Variants in TJP1 observed in about 807,000 individuals in gnomAD.
The protein encoded by TJP1 is tight junction protein 1, also known as tight junction protein ZO-1.
Under a neutral mutation model 194.2 loss-of-function variants are expected in TJP1, and 43 were observed. The observed-to-expected ratio is 0.22, with a 90% CI of 0.17 to 0.29. The LOEUF (loss-of-function observed/expected upper bound fraction) is 0.29. TJP1 is among the 10% of genes least tolerant of loss of function. The pLI is 1.00. For missense variants in TJP1, 1,971 were observed against 2,185.7 expected (o/e 0.90, Z 1.96); for synonymous variants, 801 against 779.0 (o/e 1.03, Z -0.47).
intron 5 of TJP1, among the ~76,000 whole-genome samples, chr15:29,762,672 G>A (rs1056313107): frequency 7.2e-5 from 11 of 152,162 alleles, no homozygotes; most frequent in Non-Finnish European, 1.3e-4. Context: ...CTGATAGACC[G>A]TGTTCCCATA....
chr15:29,796,775 T>C (rs1009852667), intron 2 of TJP1, among the ~76,000 whole-genome samples: 4 of 152,194 alleles, frequency 2.6e-5, no homozygotes, highest in African/African-American at 9.7e-5. Context: ...CCACGTTTAA[T>C]ATAAAGCTAC....
intron 2 of TJP1, among the ~76,000 whole-genome samples, chr15:29,831,375 T>A (rs1420607537): frequency 6.6e-6 from 1 of 152,192 alleles, no homozygotes; most frequent in South Asian, 2.1e-4. Context: ...ATGCCTCCCA[T>A]GTGAGGCAAT....
At chr15:29,939,841 C>T (rs1286455884) in intron 2 of TJP1, among the ~76,000 whole-genome samples, 1 of 152,162 alleles carries the variant, frequency 6.6e-6, no homozygotes, top group Admixed American at 6.5e-5. Flanking sequence ...GGAAGTGGGC[C>T]TCCCCAGACA....
intron 1 of TJP1, among the ~76,000 whole-genome samples, chr15:29,958,581 A>G (rs2056035153): frequency 6.6e-6 from 1 of 152,158 alleles, no homozygotes; most frequent in African/African-American, 2.4e-5. Flanking sequence ...ACATCTTATT[A>G]GGGAAACTCT....
At chr15:29,753,266 G>A (rs922523906) in intron 8 of TJP1, among the ~76,000 whole-genome samples, 3 of 151,936 alleles carry the variant, frequency 2.0e-5, no homozygotes, top group East Asian at 3.9e-4. Context: ...GGCAGATCAC[G>A]AGGTCAGGAG....
chr15:29,742,353 G>C (rs45520635), intron 9 of TJP1, among the ~76,000 whole-genome samples: 145 of 152,194 alleles, frequency 9.5e-4, no homozygotes, highest in Middle Eastern at 6.8e-3. Flanking sequence ...AATTTTTGAA[G>C]CCAATCTCAT....
intron 2 of TJP1, among the ~76,000 whole-genome samples, chr15:29,884,840 G>A (rs2053061731): frequency 6.6e-6 from 1 of 152,162 alleles, no homozygotes; most frequent in Non-Finnish European, 1.5e-5. Context: ...GTTCTAAGCA[G>A]CTAGCCCTCA....
intron 2 of TJP1, among the ~76,000 whole-genome samples, chr15:29,908,916 A>G (rs2053918865): frequency 6.6e-6 from 1 of 152,162 alleles, no homozygotes; most frequent in African/African-American, 2.4e-5. Flanking sequence ...GCACTTTGGG[A>G]GGCCAAGGCG....
chr15:29,806,367 T>C (rs1595963044), intron 1 of TJP1, among the ~76,000 whole-genome samples: 1 of 152,284 alleles, frequency 6.6e-6, no homozygotes, highest in East Asian at 1.9e-4. Flanking sequence ...CACCAAAGCT[T>C]AAGATCCCTC....
chr15:29,908,672 C>A (rs2053909021), intron 2 of TJP1, among the ~76,000 whole-genome samples: 1 of 121,454 alleles, frequency 8.2e-6, no homozygotes, highest in African/African-American at 2.6e-5. Flanking sequence ...TTTGATACGA[C>A]CTGAGATGTG....
chr15:29,953,437 T>C (rs1040784932), intron 2 of TJP1, among the ~76,000 whole-genome samples: 5 of 152,106 alleles, frequency 3.3e-5, no homozygotes, highest in African/African-American at 1.2e-4. Flanking sequence ...CCACCATGCC[T>C]GGCCAAAAAG....
Position 29,761,258 on chromosome 15 carries a change from T to C in TJP1, c.891A>G (p.Ser297=). The stretch of plus-strand genomic sequence containing the variant: ...TATCGTGTGATCGACCAGAATGATC[T>C]GATGCCAGTGACTGAATTTCTGAAA... The part of the protein sequence containing the change: ...DDISEIQSLA[S]DHSGRSHDRP... Residue 297 remains serine, a synonymous_variant, in exon 8 of 28, where the codon TCA becomes TCG. Transcript: ENST00000614355. 1 of 1,613,918 alleles carries C rather than the reference T, an allele frequency of 6.2e-7. No homozygotes were observed. The highest frequency in any genetic ancestry group is 8.5e-7 in the Non-Finnish European group (1 of 1,179,962).
chr15:29,773,416 T>C (rs2046815506), intron 2 of TJP1, 59 bp from the exon 3 acceptor site: 3 of 1,554,832 alleles, frequency 1.9e-6, no homozygotes, highest in Non-Finnish European at 2.6e-6. Context: ...TGTTATATCA[T>C]ACTCTACAAT....
At chr15:29,819,443 T>C (rs1232202389) in intron 1 of TJP1, among the ~76,000 whole-genome samples, 1 of 152,196 alleles carries the variant, frequency 6.6e-6, no homozygotes, top group Non-Finnish European at 1.5e-5. Flanking sequence ...ATTAAATAAA[T>C]TGAGCACTTA....
At chr15:29,962,367 C>G (rs567427798) in intron 1 of TJP1, among the ~76,000 whole-genome samples, 6 of 152,224 alleles carry the variant, frequency 3.9e-5, no homozygotes, top group African/African-American at 1.4e-4. Flanking sequence ...ATCTACACCA[C>G]CCATTTCTAA....
intron 2 of TJP1, among the ~76,000 whole-genome samples, chr15:29,790,606 C>A (rs1409882566): frequency 6.6e-6 from 1 of 152,066 alleles, no homozygotes; most frequent in East Asian, 1.9e-4. Context: ...GATAGTTGCC[C>A]TATTGTGCTA....
chr15:29,845,641 GA>G (rs938785373), intron 2 of TJP1, among the ~76,000 whole-genome samples: 1 of 151,198 alleles, frequency 6.6e-6, no homozygotes, highest in African/African-American at 2.4e-5. Flanking sequence ...CATCTCTACT[GA>G]AAAAAAACAA....
At chr15:29,832,650 A>G (rs1159535048) in intron 2 of TJP1, among the ~76,000 whole-genome samples, 1 of 152,214 alleles carries the variant, frequency 6.6e-6, no homozygotes, top group Non-Finnish European at 1.5e-5. Context: ...AAACTGTCTA[A>G]AGGCAATGGA....
chr15:29,950,167 A>AACCACTACCTCCACC (rs2055672138), intron 2 of TJP1, among the ~76,000 whole-genome samples: 1 of 20,622 alleles, frequency 4.8e-5, no homozygotes, highest in African/African-American at 1.7e-4. Context: ...CCACCACCAC[A>AACCACTACCTCCACC]ACCACTACCT....
Sources: gnomAD v4.1 joint callset for allele counts (sites outside exome capture counted in the v4.1 genomes callset) on GRCh38, gnomAD v4.1.1 for gene constraint, MANE v1.5 for transcripts, NCBI Gene and HGNC (gene_info 2026-07-23, HGNC 2026-07-21) for gene names.